Variants in THSD4 observed in about 807,000 individuals in gnomAD.
The protein encoded by THSD4 is thrombospondin type-1 domain-containing protein 4.
THSD4 carries 69 observed loss-of-function variants against 119.0 expected under a neutral mutation model. The ratio of observed to expected loss-of-function variants is 0.58; its 90% CI spans 0.48 to 0.71. The LOEUF (loss-of-function observed/expected upper bound fraction) is 0.71. Ranked by LOEUF, THSD4 falls within the 30% of genes least tolerant of loss-of-function variation. The pLI, the probability that THSD4 is intolerant of heterozygous loss-of-function variation, is 0.00. For synonymous variants in THSD4, 524 were observed against 540.4 expected (o/e 0.97, Z 0.42); for missense variants, 1,393 against 1,391.1 (o/e 1.00, Z -0.02).
At chr15:71,491,782 T>C (rs1296787750) in intron 7 of THSD4, among the ~76,000 whole-genome samples, 5 of 152,168 alleles carry the variant, frequency 3.3e-5, no homozygotes, top group African/African-American at 1.2e-4. Context: ...GGTGGGAGGA[T>C]TGCTTAGGCC....
intron 7 of THSD4, among the ~76,000 whole-genome samples, chr15:71,524,202 A>G (rs1457840284): frequency 1.3e-5 from 2 of 152,256 alleles, no homozygotes; most frequent in African/African-American, 2.4e-5. Flanking sequence ...GATGAGGGCC[A>G]GGCTTGTTTC....
At chr15:71,775,343 T>C (rs28594578) in intron 17 of THSD4, among the ~76,000 whole-genome samples, 11,897 of 152,228 alleles carry the variant, frequency 0.078, 1,524 homozygotes, top group African/African-American at 0.27. Context: ...TGTCAGTTCT[T>C]TCCCAAAGTA....
At chr15:71,379,450 C>CTTTTTTTTTT (rs34326932) in intron 6 of THSD4, among the ~76,000 whole-genome samples, 2 of 77,590 alleles carry the variant, frequency 2.6e-5, no homozygotes, top group East Asian at 4.4e-4. Context: ...CAAATGGCTT[C>CTTTTTTTTTT]TTTTTTTTTT....
rs1596205333 is a variant in THSD4 at position 71,115,802 on chromosome 15, G to C, written c.-80+104G>C. ...GCTCCCGCTCTCTGGCCGGCGGGGC[G>C]GGCTGGCGCGGGCTACCCAGTGGGT... On this transcript the variant is annotated intron_variant, in intron 1 of 17. Transcript: ENST00000261862. The surrounding 1 kb of genome is among the most constrained non-coding windows in gnomAD (Gnocchi z 4.4). The C allele has an allele frequency of 6.6e-6, 1 of 150,588 alleles. No individual in the cohort carries two copies. The highest frequency in any genetic ancestry group is 1.5e-5 in the Non-Finnish European group (1 of 67,418). 9.3% of individuals were successfully genotyped at this position (150,588 alleles called of 1,614,324 possible).
intron 3 of THSD4, among the ~76,000 whole-genome samples, chr15:71,199,937 A>AGTG (rs2043787544): frequency 1.3e-5 from 1 of 75,046 alleles, no homozygotes; most frequent in African/African-American, 4.5e-5. Context: ...GTGTGTGTGT[A>AGTG]TGGCAGGGTG....
intron 7 of THSD4, among the ~76,000 whole-genome samples, chr15:71,491,649 T>A (rs1262453745): frequency 6.6e-6 from 1 of 152,128 alleles, no homozygotes; most frequent in Non-Finnish European, 1.5e-5. Context: ...ATTGGGAGAA[T>A]TAATTGAACC....
At chr15:71,534,885 G>A (rs1177898608) in intron 7 of THSD4, among the ~76,000 whole-genome samples, 2 of 152,130 alleles carry the variant, frequency 1.3e-5, no homozygotes, top group African/African-American at 2.4e-5. Context: ...ACTTGAACCC[G>A]GGAGGCAGGG....
At chr15:71,372,650 A>G (rs919791986) in intron 6 of THSD4, among the ~76,000 whole-genome samples, 2 of 152,248 alleles carry the variant, frequency 1.3e-5, no homozygotes, top group African/African-American at 4.8e-5. Flanking sequence ...GCTTCGTCTC[A>G]GAGGGGTACC....
chr15:71,198,173 A>T (rs1250116605), intron 3 of THSD4, among the ~76,000 whole-genome samples: 1 of 152,180 alleles, frequency 6.6e-6, no homozygotes, highest in Non-Finnish European at 1.5e-5. Context: ...AGGCTGGAGG[A>T]TTGCGTGAGC....
chr15:71,244,320 A>G (rs1443705541), intron 5 of THSD4, among the ~76,000 whole-genome samples: 1 of 152,218 alleles, frequency 6.6e-6, no homozygotes, highest in Admixed American at 6.5e-5. Flanking sequence ...TTAAGAGGTT[A>G]AATTTCTGAG....
chr15:71,765,788 C>CTGTG (rs769139108), intron 16 of THSD4, among the ~76,000 whole-genome samples: 2 of 123,230 alleles, frequency 1.6e-5, no homozygotes, highest in Non-Finnish European at 1.6e-5. Flanking sequence ...CGCACACACT[C>CTGTG]TCTGTGTGTG....
chr15:71,703,430 G>A (rs569887307), intron 8 of THSD4, among the ~76,000 whole-genome samples: 1 of 152,178 alleles, frequency 6.6e-6, no homozygotes, highest in African/African-American at 2.4e-5. Flanking sequence ...ATTTCCATTA[G>A]CTTATGTCAT....
chr15:71,470,531 G>A (rs72760696), intron 7 of THSD4, among the ~76,000 whole-genome samples: 26,072 of 152,178 alleles, frequency 0.17, 2,563 homozygotes, highest in South Asian at 0.31. Context: ...TCATTAGGAG[G>A]TACTAGTATT....
chr15:71,606,194 T>G (rs1424280441), intron 7 of THSD4, among the ~76,000 whole-genome samples: 1 of 152,248 alleles, frequency 6.6e-6, no homozygotes, highest in Non-Finnish European at 1.5e-5. Flanking sequence ...GTTTTTTGGT[T>G]ACTTTTTTGT....
At chr15:71,675,228 C>G (rs1357279051) in intron 8 of THSD4, among the ~76,000 whole-genome samples, 1 of 152,060 alleles carries the variant, frequency 6.6e-6, no homozygotes, top group Non-Finnish European at 1.5e-5. Flanking sequence ...GTTTGGAGTC[C>G]TTTCTTGCTT....
chr15:71,643,556 G>A (rs1325200492), intron 7 of THSD4, among the ~76,000 whole-genome samples: 1 of 152,166 alleles, frequency 6.6e-6, no homozygotes, highest in Non-Finnish European at 1.5e-5. Context: ...GTGAGAACAT[G>A]TGGTGTTTGG....
intron 7 of THSD4, among the ~76,000 whole-genome samples, chr15:71,419,214 C>T (rs866267876): frequency 1.1e-5 from 1 of 94,904 alleles, no homozygotes. Context: ...TTTTCTTTTT[C>T]TTTTTTTTTA....
chr15:71,696,705 A>C (rs1456995454), intron 8 of THSD4, among the ~76,000 whole-genome samples: 3 of 152,212 alleles, frequency 2.0e-5, no homozygotes, highest in African/African-American at 4.8e-5. Context: ...CCTTGAGGAC[A>C]GAGAGTTAAA....
chr15:71,174,795 A>C, intron 3 of THSD4, among the ~76,000 whole-genome samples: 1 of 152,022 alleles, frequency 6.6e-6, no homozygotes, highest in Non-Finnish European at 1.5e-5. Flanking sequence ...AGATCTGAGA[A>C]CGTGCAGACT....
Sources: allele counts gnomAD v4.1 joint callset (sites outside exome capture counted in the v4.1 genomes callset), GRCh38; gene constraint gnomAD v4.1.1; non-coding constraint Gnocchi (gnomAD v3.1); transcripts MANE v1.5; gene names NCBI Gene and HGNC (gene_info 2026-07-23, HGNC 2026-07-21).